SLU7: variants seen among roughly 807,000 people sequenced by gnomAD.
SLU7 encodes spliceosome associated SLU7.
SLU7 carries 60 observed loss-of-function variants against 87.0 expected under a neutral mutation model. The observed-to-expected ratio is 0.69, with a 90% confidence interval of 0.56 to 0.86. The LOEUF is 0.86. Ranked by LOEUF, SLU7 falls within the 40% of genes least tolerant of loss-of-function variation. The pLI is 0.00. For missense variants in SLU7, 507 were observed against 686.6 expected, an observed-to-expected ratio of 0.74 and a Z score of 2.92; for synonymous variants, 197 against 222.0, an observed-to-expected ratio of 0.89 and a Z score of 1.00.
Position 160,407,823 on chromosome 5 carries a change from C to T in SLU7, c.918-10G>A, listed in dbSNP as rs1307622110. On this transcript the variant is annotated splice_polypyrimidine_tract_variant and intron_variant, in intron 9 of 15. Coordinates refer to ENST00000297151, the MANE Select transcript of SLU7 (RefSeq NM_006425.5). This position sits in a 1 kb window ranked among gnomAD's most constrained non-coding sequence, Gnocchi z 4.2. ...TCCAGCATAACTCACTCTGTAAATACAAATAAAGAAAATGTTTCAGAGATT... is the reference window on the plus strand; with the variant it reads ...TCCAGCATAACTCACTCTGTAAATATAAATAAAGAAAATGTTTCAGAGATT... The T allele has an allele frequency of 6.2e-7, 1 of 1,600,068 alleles. No individual in the cohort carries two copies. Among genetic ancestry groups the T allele is most frequent in the East Asian group, 2.2e-5 (1 of 44,780 alleles).
rs1765534488 is a variant in SLU7, at chr5:160,418,111, C to A, written c.-17+912G>T. 9.8e-5 allele frequency among the ~76,000 whole-genome samples: 15 copies of A among 152,326 alleles called. No homozygotes were observed. In the South Asian group the frequency reaches 3.1e-3, roughly 32 times the overall value. Reference sequence around the variant, plus strand: ...TCTTCTATGTCTGACCTATAGAAAACCTCCACATATATTTGTGTAACATAT... The same window carrying A: ...TCTTCTATGTCTGACCTATAGAAAAACTCCACATATATTTGTGTAACATAT... On this transcript the variant is annotated intron_variant, in intron 1 of 15. Transcript: ENST00000297151.
chr5:160,404,404 A>T, intron 15 of SLU7, 36 bp downstream of exon 15: 2 of 1,247,044 alleles, frequency 1.6e-6, no homozygotes, highest in Non-Finnish European at 2.3e-6. Flanking sequence ...GAATACTGCT[A>T]CTTGTCACTT....
At chr5:160,417,110 ACTT>A (rs1412704476) in intron 1 of SLU7, 1 of 152,206 alleles carries the variant, frequency 6.6e-6, no homozygotes, top group Admixed American at 6.5e-5. Flanking sequence ...CAACAAACTT[ACTT>A]CTTTAGTAAA....
intron 1 of SLU7, chr5:160,417,075 C>T (rs998718458): frequency 2.0e-5 from 3 of 151,000 alleles, no homozygotes; most frequent in East Asian, 1.9e-4. Context: ...GTGAGGCCTC[C>T]CCAGCCACGT....
chr5:160,408,088 A>AT lies in SLU7; in HGVS notation c.820-21_820-20insA. On this transcript the variant is annotated intron_variant, in intron 8 of 15. Coordinates refer to ENST00000297151, the MANE Select transcript of SLU7 (RefSeq NM_006425.5). Reference sequence around the variant, plus strand: ...CAAATACTAGAAGAAAAAAATATTTAAAGAATTAATGTTTACTCACAGCAA... The same window carrying AT: ...CAAATACTAGAAGAAAAAAATATTTATAAGAATTAATGTTTACTCACAGCAA... 7 of 1,523,230 alleles carry AT rather than the reference A, an allele frequency of 4.6e-6. No individual in the cohort carries two copies. The highest frequency in any genetic ancestry group is 5.5e-6 in the Non-Finnish European group (6 of 1,098,684). The allele number at this position is 1,523,230 out of a possible 1,614,324, so 94.4% of individuals were successfully genotyped here.
At chr5:160,408,279 T>G (rs1765088541) in intron 8 of SLU7, 50 bp downstream of exon 8, 6 of 1,561,674 alleles carry the variant, frequency 3.8e-6, no homozygotes, top group Non-Finnish European at 5.2e-6. Flanking sequence ...AAATTTATGC[T>G]GGGAAGACAA....
chr5:160,418,155 T>C (rs1279627448), intron 1 of SLU7, among the ~76,000 whole-genome samples: 1 of 152,198 alleles, frequency 6.6e-6, no homozygotes, highest in Non-Finnish European at 1.5e-5. Context: ...GGCCTAAATA[T>C]ACTGCGAAGA....
chr5:160,409,555 C>A (rs1765148994), intron 6 of SLU7, among the ~76,000 whole-genome samples: 1 of 152,098 alleles, frequency 6.6e-6, no homozygotes, highest in Non-Finnish European at 1.5e-5. Flanking sequence ...TTTAGAAATA[C>A]AAACTCACTG....
At chr5:160,406,377 T>A in intron 12 of SLU7, 91 bp downstream of exon 12, 2 of 951,890 alleles carry the variant, frequency 2.1e-6, no homozygotes, top group Non-Finnish European at 3.0e-6. Flanking sequence ...GCATAGAGAA[T>A]ACAAATGGTT....
intron 1 of SLU7, among the ~76,000 whole-genome samples, chr5:160,417,725 G>A (rs1239635688): frequency 7.1e-6 from 1 of 141,672 alleles, no homozygotes; most frequent in African/African-American, 2.6e-5. Context: ...CCAGGAGGCC[G>A]ATATTGCAGT....
intron 5 of SLU7, 132 bp from the exon 6 acceptor site, chr5:160,412,651 G>A (rs1280868934): frequency 9.8e-6 from 6 of 613,550 alleles, no homozygotes; most frequent in Non-Finnish European, 1.6e-5. Context: ...TTCAGAAAAG[G>A]TCACTGAACA....
intron 12 of SLU7, among the ~76,000 whole-genome samples, chr5:160,405,499 T>C (rs1764970029): frequency 6.6e-6 from 1 of 152,188 alleles, no homozygotes; most frequent in Non-Finnish European, 1.5e-5. Flanking sequence ...GTTTGTACAA[T>C]TTGCCTGGCT....
intron 6 of SLU7, among the ~76,000 whole-genome samples, chr5:160,410,898 A>ACTCTGTCGC (rs549683045): frequency 2.9e-4 from 42 of 146,524 alleles, no homozygotes; most frequent in African/African-American, 1.0e-3. Context: ...ACGGAGTCTC[A>ACTCTGTCGC]CTCTGTCGCC....
At chr5:160,410,808 G>T (rs1765198285) in intron 6 of SLU7, among the ~76,000 whole-genome samples, 1 of 152,032 alleles carries the variant, frequency 6.6e-6, no homozygotes. Context: ...AAGCTTCCTG[G>T]GGGTAGGTGT....
In SLU7 at chr5:160,407,665, G is replaced by A. The variant is rs1765064386; in HGVS notation, c.986-50C>T. ...TGAGTTGGCAGCTGCATTACTGTATGCTTCTTGAAAACAAGCTTTAAACAA... is the reference window on the plus strand; with the variant it reads ...TGAGTTGGCAGCTGCATTACTGTATACTTCTTGAAAACAAGCTTTAAACAA... On this transcript the variant is annotated intron_variant, in intron 10 of 15. Transcript: ENST00000297151. This position sits in a 1 kb window ranked among gnomAD's most constrained non-coding sequence, Gnocchi z 4.2. 2 of 1,602,762 alleles carry A rather than the reference G, an allele frequency of 1.2e-6. No individual in the cohort carries two copies. The highest frequency in any genetic ancestry group is 1.7e-6 in the Non-Finnish European group (2 of 1,175,472).
Position 160,407,911 on chromosome 5 carries a change from G to C in SLU7, c.917+60C>G. On this transcript the variant is annotated intron_variant, in intron 9 of 15. Transcript: ENST00000297151. The surrounding 1 kb of genome is among the most constrained non-coding windows in gnomAD (Gnocchi z 4.2). ...TTAAAATGAACACCATCTATGGTCA[G>C]GTCAGAAAACAATTAACTTTCTCTC... 6.8e-7 allele frequency: 1 copy of C among 1,471,710 alleles called. No individual in the cohort carries two copies. The highest frequency in any genetic ancestry group is 9.5e-7 in the Non-Finnish European group (1 of 1,051,546). 91.2% of individuals were successfully genotyped at this position (1,471,710 alleles called of 1,614,324 possible).
chr5:160,404,956 T>C, intron 13 of SLU7, 75 bp downstream of exon 13: 1 of 1,508,040 alleles, frequency 6.6e-7, no homozygotes, highest in Non-Finnish European at 9.2e-7. Flanking sequence ...ATTTGAAACA[T>C]GAGACAGCAT....
Position 160,413,404 on chromosome 5 carries a change from A to G in SLU7, c.570+52T>C, listed in dbSNP as rs114737681. 607 of 1,549,086 alleles carry G rather than the reference A, an allele frequency of 3.9e-4. 4 individuals are homozygous for G. In the African/African-American group the frequency reaches 7.4e-3, roughly 19 times the overall value. On this transcript the variant is annotated intron_variant, in intron 5 of 15. Coordinates refer to ENST00000297151, the MANE Select transcript of SLU7 (RefSeq NM_006425.5). ...TGAAAAGTAGAGCTGCTAGAGATAC[A>G]GCAAAAGGACGATTCTTTAAAAACC...
chr5:160,404,113 C>A (rs1764898019), intron 15 of SLU7, among the ~76,000 whole-genome samples: 1 of 152,168 alleles, frequency 6.6e-6, no homozygotes, highest in African/African-American at 2.4e-5. Context: ...CCTGCAATCC[C>A]AGCACTTTGG....
Sources: gnomAD v4.1 joint callset for allele counts (sites outside exome capture counted in the v4.1 genomes callset) on GRCh38, gnomAD v4.1.1 for gene constraint, Gnocchi (gnomAD v3.1) non-coding constraint, MANE v1.5 for transcripts, NCBI Gene and HGNC (gene_info 2026-07-23, HGNC 2026-07-21) for gene names.